The following USF3 variants were observed in gnomAD, a reference collection of about 807,000 sequenced individuals.
USF3 encodes basic helix-loop-helix domain-containing protein USF3.
In USF3, 29 loss-of-function variants were observed where a neutral mutation model predicts 157.5. That is an observed-to-expected ratio of 0.18 (90% CI 0.14 to 0.25). USF3 has a LOEUF of 0.25. Among genes scored for constraint, USF3 ranks in the 10% least tolerant of loss-of-function variants. USF3 has a pLI of 1.00. For synonymous variants in USF3, 893 were observed against 941.4 expected (o/e 0.95, Z 0.94); for missense variants, 2,381 against 2,667.6 (o/e 0.89, Z 2.37).
chr3:113,664,507 C>T (rs547142159), intron 5 of USF3, 98 bp from the exon 6 acceptor site: 57 of 570,502 alleles, frequency 1.0e-4, no homozygotes, highest in African/African-American at 6.0e-4. Context: ...ATATATGATA[C>T]GTATCTTCTC....
rs750946698 is a variant in USF3, at chr3:113,656,726, G to C, written c.4956C>G (p.Asp1652Glu). 2 of 1,614,030 alleles carry C rather than the reference G, an allele frequency of 1.2e-6. No homozygotes were observed. Among genetic ancestry groups the C allele is most frequent in the Non-Finnish European group, 8.5e-7 (1 of 1,180,046 alleles). Residue 1652 changes from aspartate to glutamate, a missense_variant, in exon 7 of 7, where the codon GAC becomes GAG. Asp to Glu is a conservative substitution (Grantham distance 45). Transcript: ENST00000316407. ...CTGGCCTGTGTGGAGTACAGGTCAT[G>C]TCTGAAGATCTAGTCACAATACTTG... Reference protein sequence around the residue: ...SQPSIVTRSSDMTCTPHRPER... With the variant: ...SQPSIVTRSSEMTCTPHRPER...
rs1947322212 is a variant in USF3 at position 113,654,751 on chromosome 3, A to G, written c.*193T>C. The G allele has an allele frequency of 1.8e-6, 1 of 566,624 alleles. No homozygotes were observed. The highest frequency in any genetic ancestry group is 3.0e-5 in the South Asian group (1 of 33,442). The allele number at this position is 566,624 out of a possible 1,614,324, so 35.1% of individuals were successfully genotyped here. ...AAAAAAGTACACCATGCAGTTGAAA[A>G]CGAAAGATAACTTGTTTTCTGACAA... On this transcript the variant is annotated 3_prime_UTR_variant, in exon 7 of 7. Coordinates refer to ENST00000316407, the MANE Select transcript of USF3 (RefSeq NM_001009899.4).
At chr3:113,680,053 C>CTTTTTTTTTTTTTTTTTTTTTT (rs71131103) in intron 1 of USF3, among the ~76,000 whole-genome samples, 5 of 58,636 alleles carry the variant, frequency 8.5e-5, no homozygotes, top group Admixed American at 4.9e-4. Context: ...CTGTAGTTTT[C>CTTTTTTTTTTTTTTTTTTTTTT]TTTTTTTTTT....
chr3:113,694,391 C>G (rs976348664), intron 1 of USF3, among the ~76,000 whole-genome samples: 1 of 152,220 alleles, frequency 6.6e-6, no homozygotes, highest in Non-Finnish European at 1.5e-5. Flanking sequence ...AGTGTAAGGT[C>G]TACAACCTTA....
rs755199386 is a variant in USF3 at position 113,656,409 on chromosome 3, T to C, written c.5273A>G (p.Asn1758Ser). 4 of 1,614,206 alleles carry C rather than the reference T, an allele frequency of 2.5e-6. No individual in the cohort carries two copies. Among genetic ancestry groups the C allele is most frequent in the Admixed American group, 1.7e-5 (1 of 60,030 alleles). Residue 1758 changes from asparagine (N) to serine (S), a missense_variant, in exon 7 of 7, where the codon AAT becomes AGT. Asn to Ser is a conservative substitution (Grantham distance 46). Around this residue, in one of 6 missense-constraint regions of USF3, gnomAD observed 770 missense variants for 824.2 expected, o/e 0.93. Transcript: ENST00000316407. ...TGATGATACAGGGTTACCTATTTCA[T>C]TGTTTCTTGAAGATTGTACTTCAAA... ...SNFEVQSSRN[N>S]EIGNPVSSLR...
At chr3:113,694,366 ATGAC>A (rs1393114172) in intron 1 of USF3, among the ~76,000 whole-genome samples, 1 of 152,214 alleles carries the variant, frequency 6.6e-6, no homozygotes, top group Non-Finnish European at 1.5e-5. Context: ...TTTCTCATAC[ATGAC>A]TGGTTCATTG....
In USF3 at chr3:113,655,145, G is replaced by A. The variant is rs374728976; in HGVS notation, c.6537C>T (p.His2179=). The A allele has an allele frequency of 4.3e-6, 7 of 1,614,104 alleles. No homozygotes were observed. In the African/African-American group the frequency reaches 9.3e-5, roughly 22 times the overall value. ...AATTGGATAAGTGAGAGTTGGTCAT[G>A]TGCATTGGTGGCATATCTGGGAGAA... is the stretch of plus-strand genomic sequence containing the variant. ...FPLLPDMPPM[H]MTNSHLSNFN... is the part of the protein sequence containing the mutation. Residue 2179 remains histidine (H), a synonymous_variant, in exon 7 of 7, where the codon CAC becomes CAT. Transcript: ENST00000316407.
Position 113,661,266 on chromosome 3 carries a change from G to A in USF3, c.416C>T (p.Pro139Leu). 6.2e-7 allele frequency: 1 copy of A among 1,613,938 alleles called. No individual in the cohort carries two copies. The highest frequency in any genetic ancestry group is 8.5e-7 in the Non-Finnish European group (1 of 1,179,892). The change falls in exon 7 of 7, where the codon CCT becomes CTT. Residue 139 changes from proline to leucine, a missense_variant. Pro to Leu is a moderately conservative substitution (Grantham distance 98). Around this residue, in one of 6 missense-constraint regions of USF3, gnomAD observed 1,435 missense variants for 1,550.9 expected, o/e 0.93. Coordinates refer to ENST00000316407, the MANE Select transcript of USF3 (RefSeq NM_001009899.4). Reference sequence around the variant, plus strand: ...AATTTTTTTTTGAACCTGGTCACTAGGAATAACAACAGAGACCTTTGAGTT... The same window carrying A: ...AATTTTTTTTTGAACCTGGTCACTAAGAATAACAACAGAGACCTTTGAGTT... ...LKNSKVSVVI[P>L]SDQVQKKIIV...
chr3:113,665,189 C>T (rs1947544186), intron 5 of USF3, among the ~76,000 whole-genome samples: 1 of 152,154 alleles, frequency 6.6e-6, no homozygotes, highest in Non-Finnish European at 1.5e-5. Flanking sequence ...ACAGCAGGAT[C>T]AGAAGGGCAG....
Position 113,660,815 on chromosome 3 carries a change from G to A in USF3, c.867C>T (p.Asn289=). 8 of 1,614,144 alleles carry A rather than the reference G, an allele frequency of 5.0e-6. No homozygotes were observed. The highest frequency in any genetic ancestry group is 5.9e-6 in the Non-Finnish European group (7 of 1,180,028). The change falls in exon 7 of 7, where the codon AAC becomes AAT. Residue 289 remains asparagine (N), a synonymous_variant. Coordinates refer to ENST00000316407, the MANE Select transcript of USF3 (RefSeq NM_001009899.4). The stretch of plus-strand genomic sequence containing the variant: ...GGGTCATTTTCTTCAATACTTTGGG[G>A]TTCTCTTGTCCATTCTTATTTTCAG... ...NSSENKNGQE[N]PKVLKKMTPC... is the part of the protein sequence containing the mutation.
chr3:113,650,055 A>G lies in USF3; in HGVS notation c.*4889T>C. On this transcript the variant is annotated 3_prime_UTR_variant, in exon 7 of 7. Transcript: ENST00000316407. ...TCACTAGTTTGTCTGGTTGTTGGCT[A>G]TTACTGTTGCCCTCTGGATGTACAC... is the stretch of plus-strand genomic sequence containing the variant. The G allele has an allele frequency of 1.7e-6, 1 of 587,036 alleles. No homozygotes were observed. 36.4% of individuals were successfully genotyped at this position (587,036 alleles called of 1,614,324 possible). A position where few individuals can be genotyped will look rare whatever the true frequency, so the allele number is the denominator to read the frequency against.
chr3:113,687,229 T>TCACACACA (rs67480409), intron 1 of USF3, among the ~76,000 whole-genome samples: 2 of 102,480 alleles, frequency 2.0e-5, no homozygotes, highest in African/African-American at 6.4e-5. Flanking sequence ...ACACACACAG[T>TCACACACA]CACACACACA....
rs10641398 is a variant in USF3 at position 113,667,865 on chromosome 3, A to AAAACAAACAAAC, written c.159+2244_159+2255dup. On this transcript the variant is annotated intron_variant, in intron 5 of 6. Coordinates refer to ENST00000316407, the MANE Select transcript of USF3 (RefSeq NM_001009899.4). The stretch of plus-strand genomic sequence containing the variant: ...CTAGGCAACAGAGTGAGACTGTCTC[A>AAAACAAACAAAC]AAACAAACAAACAAACAAACAAACA... Among the ~76,000 whole-genome samples the AAAACAAACAAAC allele has an allele frequency of 8.2e-4, 124 of 150,648 alleles. 2 individuals are homozygous for AAAACAAACAAAC. The East Asian group carries it at 0.017, about 21-fold the overall frequency.
chr3:113,657,402 G>A lies in USF3; in HGVS notation c.4280C>T (p.Ala1427Val). The change falls in exon 7 of 7, where the codon GCT becomes GTT. Residue 1427 changes from alanine to valine, a missense_variant. Coordinates refer to ENST00000316407, the MANE Select transcript of USF3 (RefSeq NM_001009899.4). ...ACTTGCCTGGGTTTGCTGCTGTTCAGCAACTGAAGGCTGAGAACCACACTG... is the reference window on the plus strand; with the variant it reads ...ACTTGCCTGGGTTTGCTGCTGTTCAACAACTGAAGGCTGAGAACCACACTG... ...EVQCGSQPSV[A>V]EQQQTQASQH... 1 of 1,614,140 alleles carries A rather than the reference G, an allele frequency of 6.2e-7. No homozygotes were observed.
intron 2 of USF3, among the ~76,000 whole-genome samples, 181 bp from the exon 3 acceptor site, chr3:113,675,077 T>C (rs1707246313): frequency 1.3e-5 from 2 of 152,170 alleles, no homozygotes; most frequent in Non-Finnish European, 2.9e-5. Flanking sequence ...AGTACTATAA[T>C]TAGCAAATGT....
Position 113,655,946 on chromosome 3 carries a change from G to A in USF3, c.5736C>T (p.Ser1912=). Reference sequence around the variant, plus strand: ...TGGATTTCTGTACAGAAACATTGGGGCTTGTGTTTCGACCTTGAATATCTC... The same window carrying A: ...TGGATTTCTGTACAGAAACATTGGGACTTGTGTTTCGACCTTGAATATCTC... ...SSGDIQGRNT[S]PNVSVQKSNP... Residue 1912 remains serine, a synonymous_variant, in exon 7 of 7, where the codon AGC becomes AGT. Coordinates refer to ENST00000316407, the MANE Select transcript of USF3 (RefSeq NM_001009899.4). The A allele has an allele frequency of 1.9e-6, 3 of 1,614,102 alleles. No homozygotes were observed. The highest frequency in any genetic ancestry group is 1.7e-6 in the Non-Finnish European group (2 of 1,179,992).
Position 113,659,198 on chromosome 3 carries a change from A to G in USF3, c.2484T>C (p.Thr828=). The G allele has an allele frequency of 1.2e-6, 2 of 1,614,170 alleles. No individual in the cohort carries two copies. Among genetic ancestry groups the G allele is most frequent in the South Asian group, 2.2e-5 (2 of 91,074 alleles). ...TACAGGGTGGCTCTGCTGAGCCTTC[A>G]GTGTTGGGGCAGTCTAACTTGCTCA... is the stretch of plus-strand genomic sequence containing the variant. ...RDVSKLDCPN[T]EGSAEPPCND... The change falls in exon 7 of 7, where the codon ACT becomes ACC. Residue 828 remains threonine (T), a synonymous_variant. Coordinates refer to ENST00000316407, the MANE Select transcript of USF3 (RefSeq NM_001009899.4).
chr3:113,656,299 G>A lies in USF3; in HGVS notation c.5383C>T (p.Pro1795Ser), dbSNP rs1947356954. 6.2e-7 allele frequency: 1 copy of A among 1,614,088 alleles called. No homozygotes were observed. The highest frequency in any genetic ancestry group is 8.5e-7 in the Non-Finnish European group (1 of 1,180,014). ...PIDRQKRLSY[P>S]PVQSIPTGNG... ...CCTGTTGGGATGCTCTGAACTGGTG[G>A]GTAAGATAATCTCTTTTGACGGTCA... The change falls in exon 7 of 7, where the codon CCA becomes TCA. Residue 1795 changes from proline to serine, a missense_variant. Pro to Ser is a moderately conservative substitution (Grantham distance 74). Around this residue, in one of 6 missense-constraint regions of USF3, gnomAD observed 770 missense variants for 824.2 expected, o/e 0.93. Coordinates refer to ENST00000316407, the MANE Select transcript of USF3 (RefSeq NM_001009899.4).
rs1947285467 is a variant in USF3 at position 113,652,679 on chromosome 3, G to A, written c.*2265C>T. ...GATTAAAAAAAAAGGGGGGGGCCTG[G>A]GAGGGGTGACTCATGCCTGTAATTC... is the stretch of plus-strand genomic sequence containing the variant. On this transcript the variant is annotated 3_prime_UTR_variant, in exon 7 of 7. Transcript: ENST00000316407. The A allele has an allele frequency of 6.5e-6, 1 of 153,134 alleles. No individual in the cohort carries two copies. Among genetic ancestry groups the A allele is most frequent in the South Asian group, 2.0e-4 (1 of 4,902 alleles). 9.5% of individuals were successfully genotyped at this position (153,134 alleles called of 1,614,324 possible).
Sources: gnomAD v4.1 joint callset for allele counts (sites outside exome capture counted in the v4.1 genomes callset) on GRCh38, gnomAD v4.1.1 for gene constraint, gnomAD v4.1.1 regional missense constraint, MANE v1.5 for transcripts, NCBI Gene and HGNC (gene_info 2026-07-23, HGNC 2026-07-21) for gene names.